PKHD1: variants seen among roughly 807,000 people sequenced by gnomAD.
PKHD1 encodes the protein fibrocystin.
Under a neutral mutation model 412.0 loss-of-function variants are expected in PKHD1, and 291 were observed. The ratio of observed to expected loss-of-function variants is 0.71; its 90% CI spans 0.64 to 0.78. The LOEUF is 0.78. PKHD1 is among the 30% of genes least tolerant of loss of function. The pLI, the probability that PKHD1 is intolerant of heterozygous loss-of-function variation, is 0.00. For missense variants in PKHD1, 4,825 were observed against 4,950.7 expected (o/e 0.97, Z 0.76); for synonymous variants, 1,777 against 1,821.5 (o/e 0.98, Z 0.62).
chr6:51,720,877 C>A, intron 60 of PKHD1: 2 of 477,694 alleles, frequency 4.2e-6, no homozygotes, highest in Non-Finnish European at 5.5e-6. Flanking sequence ...GCATTTATTA[C>A]AATACTTGGC....
intron 52 of PKHD1, among the ~76,000 whole-genome samples, chr6:51,825,605 C>T (rs1027603193): frequency 6.6e-5 from 10 of 152,270 alleles, no homozygotes; most frequent in African/African-American, 2.4e-4. Flanking sequence ...CTTTCAATGA[C>T]CACAGTCCAG....
chr6:51,680,981 G>A (rs1213773973), intron 60 of PKHD1, among the ~76,000 whole-genome samples: 1 of 151,970 alleles, frequency 6.6e-6, no homozygotes, highest in East Asian at 1.9e-4. Flanking sequence ...GTGAATTGGG[G>A]TTAAGGATTG....
At chr6:51,658,902 G>T in intron 61 of PKHD1, 50 bp downstream of exon 61, 1 of 1,150,888 alleles carries the variant, frequency 8.7e-7, no homozygotes, top group Non-Finnish European at 1.3e-6. Flanking sequence ...ATGTCAATAT[G>T]GACCTAAAAA....
At chr6:51,643,622 A>G (rs1769676214) in intron 63 of PKHD1, among the ~76,000 whole-genome samples, 1 of 152,116 alleles carries the variant, frequency 6.6e-6, no homozygotes, top group Non-Finnish European at 1.5e-5. Context: ...GTAGAAAATT[A>G]TTTTTGTGGA....
intron 35 of PKHD1, among the ~76,000 whole-genome samples, chr6:51,970,882 A>G (rs1793575637): frequency 6.6e-6 from 1 of 152,168 alleles, no homozygotes; most frequent in Non-Finnish European, 1.5e-5. Flanking sequence ...GTCAGGTATT[A>G]TGATACCTCC....
At chr6:52,081,264 T>C (rs913170141) in intron 4 of PKHD1, among the ~76,000 whole-genome samples, 2 of 152,230 alleles carry the variant, frequency 1.3e-5, no homozygotes, top group Non-Finnish European at 2.9e-5. Flanking sequence ...AGAATGTCTA[T>C]GCCCAAATGT....
At position 51,748,040 on chromosome 6, in the gene PKHD1, G is replaced by T. The variant is rs201670044; in HGVS notation, c.9576C>A (p.Ser3192=). 5.0e-6 allele frequency: 8 copies of T among 1,613,914 alleles called. No individual in the cohort carries two copies. Among genetic ancestry groups the T allele is most frequent in the African/African-American group, 1.3e-5 (1 of 74,884 alleles). Reference sequence around the variant, plus strand: ...TAAGCACAATCTGCACTTTTTTGACGGAATTTTGTGGAGCAGAAAATACAT... The same window carrying T: ...TAAGCACAATCTGCACTTTTTTGACTGAATTTTGTGGAGCAGAAAATACAT... ...VVYVFSAPQN[S]VKKVQIVLRN... is the part of the protein sequence containing the mutation. The change falls in exon 58 of 67, where the codon TCC becomes TCA. Residue 3192 remains serine (S), a synonymous_variant. Transcript: ENST00000371117.
intron 26 of PKHD1, among the ~76,000 whole-genome samples, 172 bp downstream of exon 26, chr6:52,043,453 A>G (rs1805258983): frequency 6.6e-6 from 1 of 152,224 alleles, no homozygotes; most frequent in Non-Finnish European, 1.5e-5. Flanking sequence ...ATTTCAAATC[A>G]TGACCATATC....
intron 52 of PKHD1, among the ~76,000 whole-genome samples, chr6:51,816,981 C>T (rs891987358): frequency 7.9e-5 from 12 of 152,204 alleles, no homozygotes; most frequent in African/African-American, 2.7e-4. Context: ...AAGCTCTTGA[C>T]CCTCTTTGTA....
intron 55 of PKHD1, among the ~76,000 whole-genome samples, chr6:51,759,601 T>A (rs1787638156): frequency 6.6e-6 from 1 of 152,124 alleles, no homozygotes; most frequent in South Asian, 2.1e-4. Context: ...GAGGAAGGGC[T>A]TGATACAGTC....
At chr6:51,968,826 G>A (rs1793231569) in intron 35 of PKHD1, among the ~76,000 whole-genome samples, 1 of 152,172 alleles carries the variant, frequency 6.6e-6, no homozygotes, top group South Asian at 2.1e-4. Context: ...CAAAGGCTGA[G>A]TCTAGTGACC....
At chr6:51,696,764 G>A (rs542846864) in intron 60 of PKHD1, among the ~76,000 whole-genome samples, 32 of 152,226 alleles carry the variant, frequency 2.1e-4, no homozygotes, top group African/African-American at 7.7e-4. Flanking sequence ...TGGGATATGA[G>A]GTCCAGAAAC....
At chr6:51,718,925 T>C (rs1244630628) in intron 60 of PKHD1, among the ~76,000 whole-genome samples, 1 of 152,188 alleles carries the variant, frequency 6.6e-6, no homozygotes, top group Non-Finnish European at 1.5e-5. Context: ...ACCTATAATA[T>C]GGCACAGGGG....
intron 5 of PKHD1, 129 bp from the exon 6 acceptor site, chr6:52,076,462 C>T (rs1811344600): frequency 4.1e-6 from 3 of 724,932 alleles, no homozygotes; most frequent in African/African-American, 1.8e-5. Context: ...GTCACCCTCA[C>T]ATCTGTCTAG....
rs759192856 is a variant in PKHD1 at position 52,017,586 on chromosome 6, G to T, written c.5424C>A (p.Ser1808Arg). ...FLCGLKREED[S>R]CEAARHTYVQ... is the part of the protein sequence containing the mutation. ...CATAGGTGTGTCTGGCAGCCTCACA[G>T]CTGTCCTCCTCACGCTTCAGGCCAC... The change falls in exon 34 of 67, where the codon AGC becomes AGA. Residue 1808 changes from serine to arginine, a missense_variant. Coordinates refer to ENST00000371117, the MANE Select transcript of PKHD1 (RefSeq NM_138694.4). 2.5e-6 allele frequency: 4 copies of T among 1,613,872 alleles called. No homozygotes were observed. Among genetic ancestry groups the T allele is most frequent in the East Asian group, 2.2e-5 (1 of 44,900 alleles).
intron 60 of PKHD1, among the ~76,000 whole-genome samples, chr6:51,729,544 T>C (rs1783000040): frequency 1.3e-5 from 2 of 152,276 alleles, no homozygotes; most frequent in Non-Finnish European, 2.9e-5. Context: ...TGTTTTACTG[T>C]TTTATTTATT....
chr6:51,940,311 AG>A (rs1788284523), intron 36 of PKHD1, among the ~76,000 whole-genome samples: 2 of 151,882 alleles, frequency 1.3e-5, no homozygotes, highest in South Asian at 4.1e-4. Context: ...GAGGCAGCCA[AG>A]TAGCAATGTA....
intron 35 of PKHD1, among the ~76,000 whole-genome samples, chr6:51,968,645 C>A (rs530630223): frequency 2.0e-5 from 3 of 152,264 alleles, no homozygotes; most frequent in South Asian, 4.1e-4. Context: ...TAGGGGCCAC[C>A]CCAGACTTGA....
chr6:51,827,098 T>G (rs769751632), intron 52 of PKHD1, among the ~76,000 whole-genome samples: 1 of 152,176 alleles, frequency 6.6e-6, no homozygotes, highest in Admixed American at 6.6e-5. Context: ...TTTCATTTTG[T>G]AAAATCAGCA....
Sources: allele counts gnomAD v4.1 joint callset (sites outside exome capture counted in the v4.1 genomes callset), GRCh38; gene constraint gnomAD v4.1.1; transcripts MANE v1.5; gene names NCBI Gene and HGNC (gene_info 2026-07-23, HGNC 2026-07-21).